Variants in KLHL14 observed in about 807,000 individuals in gnomAD.
The protein encoded by KLHL14 is kelch like family member 14, also known as kelch-like protein 14.
In KLHL14, 22 loss-of-function variants were observed where a neutral mutation model predicts 64.3. The observed-to-expected ratio is 0.34, with a 90% CI of 0.24 to 0.49. The LOEUF (loss-of-function observed/expected upper bound fraction) is 0.49. Among genes scored for constraint, KLHL14 ranks in the 20% least tolerant of loss-of-function variants. KLHL14 has a pLI of 0.99. For synonymous variants in KLHL14, 322 were observed against 333.4 expected (o/e 0.97, Z 0.37); for missense variants, 661 against 789.0 (o/e 0.84, Z 1.94).
chr18:32,704,869 C>CAG (rs145371753), intron 3 of KLHL14, among the ~76,000 whole-genome samples: 71 of 150,992 alleles, frequency 4.7e-4, no homozygotes, highest in Non-Finnish European at 8.4e-4. Context: ...ACTGTGTAGA[C>CAG]AGAGAGAGAG....
At chr18:32,693,373 A>T (rs1290241059) in intron 4 of KLHL14, among the ~76,000 whole-genome samples, 1 of 123,704 alleles carries the variant, frequency 8.1e-6, no homozygotes, top group Non-Finnish European at 1.6e-5. Context: ...CTAAAAAGGG[A>T]TCTTACACAC....
intron 3 of KLHL14, among the ~76,000 whole-genome samples, chr18:32,701,529 C>T (rs1354751255): frequency 6.6e-6 from 1 of 152,146 alleles, no homozygotes; most frequent in African/African-American, 2.4e-5. Context: ...AGCAGGCAGA[C>T]ACAGGCTGAA....
intron 2 of KLHL14, among the ~76,000 whole-genome samples, chr18:32,748,526 C>T (rs566879284): frequency 6.8e-4 from 103 of 152,188 alleles, no homozygotes; most frequent in African/African-American, 2.4e-3. Flanking sequence ...CCCGCCATCA[C>T]GCCTGGCTAA....
At chr18:32,681,631 T>C (rs1029980658) in intron 5 of KLHL14, among the ~76,000 whole-genome samples, 3 of 152,118 alleles carry the variant, frequency 2.0e-5, no homozygotes, top group Non-Finnish European at 4.4e-5. Flanking sequence ...ATTGAATAAG[T>C]GTAATTGTTA....
intron 3 of KLHL14, among the ~76,000 whole-genome samples, chr18:32,698,315 G>C (rs535844877): frequency 6.6e-4 from 100 of 152,266 alleles, no homozygotes; most frequent in African/African-American, 2.3e-3. Context: ...TGTACTCCAG[G>C]TTCACATACA....
At chr18:32,698,990 T>A (rs990305054) in intron 3 of KLHL14, among the ~76,000 whole-genome samples, 9 of 152,318 alleles carry the variant, frequency 5.9e-5, no homozygotes, top group Non-Finnish European at 1.2e-4. Context: ...GAATGACTAA[T>A]CATCACACAG....
intron 4 of KLHL14, among the ~76,000 whole-genome samples, chr18:32,687,568 T>A (rs1451819603): frequency 1.3e-5 from 2 of 152,182 alleles, no homozygotes; most frequent in Non-Finnish European, 2.9e-5. Context: ...GTTTTAATGT[T>A]TTAAACACAG....
chr18:32,741,161 T>C (rs1051513796), intron 3 of KLHL14, among the ~76,000 whole-genome samples: 3 of 152,214 alleles, frequency 2.0e-5, no homozygotes. Context: ...AATTTAGTTT[T>C]ATTGACCAGT....
chr18:32,769,974 G>C lies in KLHL14; in HGVS notation c.618C>G (p.Asn206Lys), dbSNP rs150448262. The change falls in exon 2 of 9, where the codon AAC becomes AAG. Residue 206 changes from asparagine to lysine, a missense_variant. Around this residue, in one of 2 missense-constraint regions of KLHL14, gnomAD observed 331 missense variants for 339.0 expected, o/e 0.98. Coordinates refer to ENST00000359358, the MANE Select transcript of KLHL14 (RefSeq NM_020805.3). ...HGLEETKKLANKYLVEDVLLL... is the reference protein window; with the variant it reads ...HGLEETKKLAKKYLVEDVLLL... ...GCAGCACATCCTCCACCAGGTACTT[G>C]TTGGCCAGCTTCTTGGTCTCCTCCA... is the stretch of plus-strand genomic sequence containing the variant. The C allele has an allele frequency of 1.7e-5, 28 of 1,614,122 alleles. No homozygotes were observed. The highest frequency in any genetic ancestry group is 5.0e-5 in the Admixed American group (3 of 60,010).
At chr18:32,688,356 C>T (rs116129854) in intron 4 of KLHL14, among the ~76,000 whole-genome samples, 251 of 152,244 alleles carry the variant, frequency 1.6e-3, no homozygotes, top group African/African-American at 5.8e-3. Flanking sequence ...GCACCTAGCA[C>T]CTACTGTGTG....
At chr18:32,751,051 G>A (rs560686310) in intron 2 of KLHL14, among the ~76,000 whole-genome samples, 69 of 152,172 alleles carry the variant, frequency 4.5e-4, no homozygotes, top group African/African-American at 1.6e-3. Context: ...TCCAGATCTG[G>A]AAAAATGTGA....
At chr18:32,723,825 A>G (rs893487009) in intron 3 of KLHL14, among the ~76,000 whole-genome samples, 5 of 152,078 alleles carry the variant, frequency 3.3e-5, no homozygotes, top group African/African-American at 1.2e-4. Context: ...ACATCTCTCA[A>G]AGTAGCTCTC....
chr18:32,704,070 G>A (rs1598555911), intron 3 of KLHL14, among the ~76,000 whole-genome samples: 1 of 152,096 alleles, frequency 6.6e-6, no homozygotes, highest in African/African-American at 2.4e-5. Flanking sequence ...CAGCCCAAAA[G>A]GCTCATGTCA....
chr18:32,742,190 T>C (rs2050202772), intron 2 of KLHL14, 141 bp from the exon 3 acceptor site: 7 of 965,436 alleles, frequency 7.3e-6, no homozygotes, highest in Non-Finnish European at 1.1e-5. Context: ...CCCATTCATG[T>C]CTCAACAATT....
Position 32,680,222 on chromosome 18 carries a change from G to A in KLHL14, c.1535C>T (p.Thr512Ile). 1 of 1,613,840 alleles carries A rather than the reference G, an allele frequency of 6.2e-7. No homozygotes were observed. Among genetic ancestry groups the A allele is most frequent in the Non-Finnish European group, 8.5e-7 (1 of 1,179,832 alleles). Residue 512 changes from threonine to isoleucine, a missense_variant, in exon 7 of 9, where the codon ACT (threonine) becomes ATT (isoleucine). Thr to Ile is a moderately conservative substitution (Grantham distance 89). Coordinates refer to ENST00000359358, the MANE Select transcript of KLHL14 (RefSeq NM_020805.3). The surrounding 1 kb of genome is among the most constrained non-coding windows in gnomAD (Gnocchi z 4.8). ...CAAGCGATCATTCATTACAGCCAAA[G>A]TGTGAATTGCACGTTTTGTGTTCAT... ...QDMNTKRAIHTLAVMNDRLYA... is the reference protein window; with the variant it reads ...QDMNTKRAIHILAVMNDRLYA...
intron 3 of KLHL14, chr18:32,733,927 T>C (rs887591497): frequency 9.5e-6 from 5 of 527,260 alleles, no homozygotes; most frequent in Non-Finnish European, 1.7e-5. Flanking sequence ...CGGTGCATTA[T>C]GTGTGAGGGA....
intron 3 of KLHL14, among the ~76,000 whole-genome samples, chr18:32,702,452 A>T (rs913839834): frequency 2.0e-5 from 3 of 151,952 alleles, no homozygotes; most frequent in African/African-American, 7.2e-5. Flanking sequence ...GTCTTTCAGC[A>T]AAGATCTAGC....
intron 3 of KLHL14, among the ~76,000 whole-genome samples, chr18:32,706,088 A>G (rs557036075): frequency 6.6e-6 from 1 of 152,352 alleles, no homozygotes; most frequent in Non-Finnish European, 1.5e-5. Context: ...CGTTGCACTT[A>G]TTTGACTTTA....
chr18:32,762,155 G>A (rs974349172), intron 2 of KLHL14, among the ~76,000 whole-genome samples: 1 of 151,312 alleles, frequency 6.6e-6, no homozygotes, highest in East Asian at 1.9e-4. Context: ...TTATTGAACC[G>A]AATGGTATTA....
Sources: allele counts gnomAD v4.1 joint callset (sites outside exome capture counted in the v4.1 genomes callset), GRCh38; gene constraint gnomAD v4.1.1; regional missense constraint gnomAD v4.1.1; non-coding constraint Gnocchi (gnomAD v3.1); transcripts MANE v1.5; gene names NCBI Gene and HGNC (gene_info 2026-07-23, HGNC 2026-07-21).